NOTCH2: variants seen among roughly 807,000 people sequenced by gnomAD.
The protein encoded by NOTCH2 is neurogenic locus notch homolog protein 2.
In NOTCH2, 29 loss-of-function variants were observed where a neutral mutation model predicts 235.8. That is an observed-to-expected ratio of 0.12 (90% confidence interval 0.09 to 0.17). The LOEUF is 0.17. Among genes scored for constraint, NOTCH2 ranks in the 10% least tolerant of loss-of-function variants. The probability of loss-of-function intolerance (pLI) is 1.00; values close to 1 mark genes in which losing one functional copy is unlikely to be tolerated. For synonymous variants in NOTCH2, 1,086 were observed against 1,141.5 expected, an observed-to-expected ratio of 0.95 and a Z score of 0.98; for missense variants, 2,285 against 3,150.2, an observed-to-expected ratio of 0.73 and a Z score of 6.57.
chr1:119,932,653 C>CAG (rs782054335), intron 22 of NOTCH2, among the ~76,000 whole-genome samples: 1 of 135,500 alleles, frequency 7.4e-6, no homozygotes, highest in Admixed American at 7.4e-5. Context: ...CTATCTATCT[C>CAG]AGAGAGAGAG....
chr1:119,965,607 T>C (rs781965159), intron 9 of NOTCH2, 41 bp from the exon 10 acceptor site: 20 of 1,316,760 alleles, frequency 1.5e-5, no homozygotes, highest in Non-Finnish European at 2.2e-5. Flanking sequence ...AAGGATTATC[T>C]TGTGTCTCCC....
intron 12 of NOTCH2, among the ~76,000 whole-genome samples, chr1:119,958,672 G>T (rs1570692960): frequency 6.6e-6 from 1 of 151,694 alleles, no homozygotes; most frequent in South Asian, 2.1e-4. Context: ...TGATCAGGAG[G>T]GTAAAAGATA....
At chr1:119,934,638 G>T (rs1445286031) in intron 22 of NOTCH2, among the ~76,000 whole-genome samples, 3 of 152,164 alleles carry the variant, frequency 2.0e-5, no homozygotes, top group African/African-American at 7.2e-5. Flanking sequence ...GATACCTGGG[G>T]TGGCAAATTA....
At position 119,955,161 on chromosome 1, in the gene NOTCH2, C is replaced by G. The variant is rs143227439; in HGVS notation, c.2098G>C (p.Gly700Arg). Residue 700 changes from glycine (G) to arginine (R), a missense_variant, in exon 13 of 34, where the codon GGT becomes CGT. Transcript: ENST00000256646. The stretch of plus-strand genomic sequence containing the variant: ...CATATACAGCGGAAACCATTCACAC[C>G]GTTGATACATGTTGCACCCTTGCGA... ...PCRKGATCINGVNGFRCICPE... is the reference protein window; with the variant it reads ...PCRKGATCINRVNGFRCICPE... The G allele has an allele frequency of 3.5e-5, 56 of 1,614,030 alleles. 2 individuals carry two copies. In the South Asian group the frequency reaches 6.1e-4, roughly 18 times the overall value.
intron 5 of NOTCH2, among the ~76,000 whole-genome samples, chr1:119,977,660 T>C (rs587602330): frequency 1.3e-5 from 2 of 152,322 alleles, no homozygotes; most frequent in South Asian, 4.1e-4. Flanking sequence ...AGATGATATG[T>C]GCTTTACATT....
intron 11 of NOTCH2, among the ~76,000 whole-genome samples, chr1:119,959,844 T>C (rs1650868342): frequency 6.6e-6 from 1 of 152,216 alleles, no homozygotes; most frequent in South Asian, 2.1e-4. Flanking sequence ...CACCTCCACA[T>C]GCCACAGTTA....
intron 13 of NOTCH2, among the ~76,000 whole-genome samples, 194 bp downstream of exon 13, chr1:119,954,846 C>T (rs587647647): frequency 3.3e-5 from 5 of 152,312 alleles, no homozygotes; most frequent in Admixed American, 3.3e-4. Flanking sequence ...CCATCTAGGT[C>T]CTCACTTATG....
intron 12 of NOTCH2, among the ~76,000 whole-genome samples, chr1:119,955,469 T>G (rs587701955): frequency 6.6e-6 from 1 of 152,236 alleles, no homozygotes; most frequent in Non-Finnish European, 1.5e-5. Context: ...AAAAGTGTTA[T>G]AGCAATTTGG....
At chr1:119,949,560 ATAT>A (rs782755953) in intron 15 of NOTCH2, among the ~76,000 whole-genome samples, 105 of 151,478 alleles carry the variant, frequency 6.9e-4, no homozygotes, top group Non-Finnish European at 1.1e-3. Context: ...CTAATTTTTT[ATAT>A]TTTTAGTAGA....
intron 1 of NOTCH2, among the ~76,000 whole-genome samples, chr1:120,065,899 T>C (rs1242698768): frequency 1.3e-5 from 2 of 151,598 alleles, no homozygotes; most frequent in Admixed American, 6.6e-5. Flanking sequence ...ATAAAGAAAA[T>C]GATGTAAAAT....
chr1:119,914,502 A>G lies in NOTCH2; in HGVS notation c.*804T>C, dbSNP rs1648996465. On this transcript the variant is annotated 3_prime_UTR_variant, in exon 34 of 34. Transcript: ENST00000256646. The stretch of plus-strand genomic sequence containing the variant: ...AAAGTTTATATGAAGACCTGCACAC[A>G]GACAAGAAAAATTAAGGTGCAGCCT... The G allele has an allele frequency of 8.6e-6, 2 of 233,444 alleles. No individual in the cohort carries two copies. Among genetic ancestry groups the G allele is most frequent in the African/African-American group, 4.4e-5 (2 of 45,368 alleles). 14.5% of individuals were successfully genotyped at this position (233,444 alleles called of 1,614,324 possible).
intron 5 of NOTCH2, among the ~76,000 whole-genome samples, chr1:119,971,750 C>T (rs1199363125): frequency 1.3e-5 from 2 of 152,060 alleles, no homozygotes; most frequent in Non-Finnish European, 2.9e-5. Flanking sequence ...AAAAGATGTG[C>T]ACAAAGAGAA....
intron 5 of NOTCH2, among the ~76,000 whole-genome samples, chr1:119,972,092 T>G (rs1651387021): frequency 8.0e-6 from 1 of 125,344 alleles, no homozygotes; most frequent in African/African-American, 3.1e-5. Context: ...CGTGAGAGAG[T>G]AAAAGATGGA....
chr1:119,911,964 G>T lies in NOTCH2; in HGVS notation c.*3342C>A, dbSNP rs749333544. On this transcript the variant is annotated 3_prime_UTR_variant, in exon 34 of 34. Transcript: ENST00000256646. ...GGCTTTGTGGGATTCAGAAAGAAAAGAAAATTTGCTCTCTCAGCAAATTAT... is the reference window on the plus strand; with the variant it reads ...GGCTTTGTGGGATTCAGAAAGAAAATAAAATTTGCTCTCTCAGCAAATTAT... The T allele has an allele frequency of 2.7e-4, 63 of 233,248 alleles. No homozygotes were observed. Among genetic ancestry groups the T allele is most frequent in the Middle Eastern group, 2.5e-3 (2 of 806 alleles). 14.4% of individuals were successfully genotyped at this position (233,248 alleles called of 1,614,324 possible). A position where few individuals can be genotyped will look rare whatever the true frequency, so the allele number is the denominator to read the frequency against.
At chr1:120,042,840 TAAG>T (rs1553213074) in intron 1 of NOTCH2, among the ~76,000 whole-genome samples, 1 of 151,672 alleles carries the variant, frequency 6.6e-6, no homozygotes, top group Non-Finnish European at 1.5e-5. Flanking sequence ...TTAAAATTGT[TAAG>T]AAGAACAAGT....
chr1:119,932,604 CAAA>C (rs1649706125), intron 22 of NOTCH2, among the ~76,000 whole-genome samples: 1 of 131,954 alleles, frequency 7.6e-6, no homozygotes, highest in Non-Finnish European at 1.6e-5. Context: ...AACAAACAAA[CAAA>C]TATCTATCTA....
chr1:119,988,799 AG>A (rs1216964137), intron 4 of NOTCH2, among the ~76,000 whole-genome samples: 2 of 152,212 alleles, frequency 1.3e-5, no homozygotes, highest in Non-Finnish European at 2.9e-5. Context: ...CTCTCTGATG[AG>A]TAAGACTAAA....
At chr1:120,065,815 C>T (rs2799244) in intron 1 of NOTCH2, among the ~76,000 whole-genome samples, 1 of 152,148 alleles carries the variant, frequency 6.6e-6, no homozygotes, top group Admixed American at 6.5e-5. Flanking sequence ...GAAGGAAAAT[C>T]AATAGTTCAA....
In NOTCH2 at chr1:119,920,170, C is replaced by T. The variant is rs1425870139; in HGVS notation, c.5479+59G>A. 8.1e-6 allele frequency: 13 copies of T among 1,599,380 alleles called. No homozygotes were observed. The East Asian group carries it at 2.7e-4, about 33-fold the overall frequency. The stretch of plus-strand genomic sequence containing the variant: ...CTGGACAGGGCAAACACAGGGACAA[C>T]AATGTGGAACCATGGGCAGACACAG... On this transcript the variant is annotated intron_variant, in intron 30 of 33. Transcript: ENST00000256646.
Sources: allele counts gnomAD v4.1 joint callset (sites outside exome capture counted in the v4.1 genomes callset), GRCh38; gene constraint gnomAD v4.1.1; transcripts MANE v1.5; gene names NCBI Gene and HGNC (gene_info 2026-07-23, HGNC 2026-07-21).